Variants in NIM1K observed in about 807,000 individuals in gnomAD.
NIM1K encodes the protein serine/threonine-protein kinase NIM1.
NIM1K carries 35 observed loss-of-function variants against 37.1 expected under a neutral mutation model. That is an observed-to-expected ratio of 0.94 (90% CI 0.72 to 1.25). The LOEUF (loss-of-function observed/expected upper bound fraction) is 1.25. Ranked by LOEUF, NIM1K falls within the 50% of genes most tolerant of loss-of-function variation. The probability of loss-of-function intolerance (pLI) is 0.00; values close to 1 mark genes in which losing one functional copy is unlikely to be tolerated. For synonymous variants in NIM1K, 234 were observed against 206.6 expected (o/e 1.13, Z -1.14); for missense variants, 564 against 548.0 (o/e 1.03, Z -0.29).
At chr5:43,243,802 G>A (rs1360353181) in intron 1 of NIM1K, among the ~76,000 whole-genome samples, 2 of 152,050 alleles carry the variant, frequency 1.3e-5, no homozygotes, top group African/African-American at 4.8e-5. Flanking sequence ...CAGTCTGTAG[G>A]TGTAGCTGAG....
At chr5:43,207,078 C>T in intron 1 of NIM1K, 2 of 718,764 alleles carry the variant, frequency 2.8e-6, no homozygotes, top group South Asian at 3.0e-5. Context: ...CCTATGGGCG[C>T]CTGGTTGAAT....
intron 2 of NIM1K, among the ~76,000 whole-genome samples, chr5:43,248,916 C>A (rs549644478): frequency 6.6e-6 from 1 of 151,462 alleles, no homozygotes; most frequent in Non-Finnish European, 1.5e-5. Context: ...ACCTTGTCAC[C>A]GAGGCTGGAG....
In NIM1K at chr5:43,246,027, CTT is replaced by C; in HGVS notation, c.253_254del (p.Phe85LeufsTer18). The C allele has an allele frequency of 1.2e-6, 2 of 1,613,906 alleles. No individual in the cohort carries two copies. The highest frequency in any genetic ancestry group is 1.1e-5 in the South Asian group (1 of 91,052). Reference sequence around the variant, plus strand: ...TTCGAGGGGAAATCGGAAGTGGAAACTTCTCCCAAGTGAAGCTTGGGATTCAC... The same window carrying C: ...TTCGAGGGGAAATCGGAAGTGGAAACCTCCCAAGTGAAGCTTGGGATTCAC... ...RIRGEIGSGN[F>X]SQVKLGIHSL... On this transcript the variant is annotated frameshift_variant, in exon 2 of 4. Transcript: ENST00000326035. LOFTEE classifies it high-confidence loss of function.
chr5:43,267,656 A>G (rs1250330576), intron 2 of NIM1K, among the ~76,000 whole-genome samples: 2 of 152,142 alleles, frequency 1.3e-5, no homozygotes, highest in South Asian at 2.1e-4. Flanking sequence ...GTGTCATATT[A>G]TCATTCATTT....
intron 1 of NIM1K, among the ~76,000 whole-genome samples, chr5:43,197,433 C>T (rs546608178): frequency 2.6e-5 from 4 of 152,322 alleles, no homozygotes; most frequent in South Asian, 4.1e-4. Context: ...GCGTGAGCCA[C>T]CACGCCTGGC....
At chr5:43,200,469 T>C (rs2112201459) in intron 1 of NIM1K, among the ~76,000 whole-genome samples, 1 of 151,642 alleles carries the variant, frequency 6.6e-6, no homozygotes, top group African/African-American at 2.4e-5. Flanking sequence ...CCCGGCTACT[T>C]TTTTGTATTT....
intron 1 of NIM1K, among the ~76,000 whole-genome samples, chr5:43,213,209 CTTT>C (rs1561074856): frequency 2.8e-4 from 13 of 46,320 alleles, no homozygotes; most frequent in African/African-American, 9.6e-4. Flanking sequence ...TTCTTTCTTT[CTTT>C]CTTTCTTTCT....
chr5:43,232,422 C>T (rs1386796862), intron 1 of NIM1K: 10 of 1,467,346 alleles, frequency 6.8e-6, no homozygotes, highest in Non-Finnish European at 9.5e-6. Flanking sequence ...TCTGTCAGAT[C>T]AACATTCAGG....
At chr5:43,194,910 A>T (rs535176425) in intron 1 of NIM1K, 3 of 152,348 alleles carry the variant, frequency 2.0e-5, no homozygotes, top group African/African-American at 7.2e-5. Context: ...TTTTAAAAAA[A>T]CAAAAGCAAA....
chr5:43,215,960 T>C (rs1051777844), intron 1 of NIM1K, among the ~76,000 whole-genome samples: 1 of 152,192 alleles, frequency 6.6e-6, no homozygotes, highest in African/African-American at 2.4e-5. Context: ...AATTTATGGT[T>C]TTCCTGGCTC....
chr5:43,252,185 C>A (rs1417976134), intron 2 of NIM1K, among the ~76,000 whole-genome samples: 3 of 152,052 alleles, frequency 2.0e-5, no homozygotes, highest in African/African-American at 7.2e-5. Context: ...GTTCCAAAGA[C>A]TTCTTGTCTG....
intron 2 of NIM1K, among the ~76,000 whole-genome samples, chr5:43,256,733 C>G (rs1406267180): frequency 6.6e-6 from 1 of 152,156 alleles, no homozygotes; most frequent in Non-Finnish European, 1.5e-5. Context: ...GGTGGAGTGG[C>G]CAGCAACCAC....
intron 1 of NIM1K, among the ~76,000 whole-genome samples, chr5:43,203,761 C>T (rs1045006342): frequency 6.6e-6 from 1 of 152,210 alleles, no homozygotes. Flanking sequence ...CACAGTGGCT[C>T]ACGTCTGTAA....
chr5:43,246,128 G>T (rs1752776613), intron 2 of NIM1K, 61 bp downstream of exon 2: 5 of 1,475,938 alleles, frequency 3.4e-6, no homozygotes, highest in Admixed American at 2.0e-5. Flanking sequence ...TAGGAAAGGG[G>T]TTAGGTGGCC....
At chr5:43,229,731 A>C (rs1361854969) in intron 1 of NIM1K, among the ~76,000 whole-genome samples, 4 of 148,748 alleles carry the variant, frequency 2.7e-5, no homozygotes, top group African/African-American at 9.9e-5. Context: ...CTGCCTCCTG[A>C]GTTCAAGTGA....
intron 1 of NIM1K, among the ~76,000 whole-genome samples, chr5:43,198,359 GCT>G (rs1168163520): frequency 4.1e-5 from 5 of 123,438 alleles, no homozygotes; most frequent in Non-Finnish European, 3.3e-5. Flanking sequence ...TTTCTGTCTT[GCT>G]CTCTCTCTCT....
chr5:43,207,548 G>T (rs1248191744), intron 1 of NIM1K: 1 of 697,146 alleles, frequency 1.4e-6, no homozygotes, highest in Non-Finnish European at 2.7e-6. Flanking sequence ...GTCTCCAGAA[G>T]AAGATTCCAC....
In NIM1K at chr5:43,232,484, A is replaced by T. The variant is rs1386655846; in HGVS notation, c.-694-12598A>T. The T allele has an allele frequency of 4.6e-5, 70 of 1,512,456 alleles. No homozygotes were observed. The Admixed American group carries it at 1.2e-3, about 25-fold the overall frequency. The allele number at this position is 1,512,456 out of a possible 1,614,324, so 93.7% of individuals were successfully genotyped here. A position where few individuals can be genotyped will look rare whatever the true frequency, so the allele number is the denominator to read the frequency against. Reference sequence around the variant, plus strand: ...GATGGAGGACACAATTTGACCTATCAACCTATTCAGTTTAGTATAGGTTGG... The same window carrying T: ...GATGGAGGACACAATTTGACCTATCTACCTATTCAGTTTAGTATAGGTTGG... On this transcript the variant is annotated intron_variant, in intron 1 of 3. Coordinates refer to ENST00000326035, the MANE Select transcript of NIM1K (RefSeq NM_153361.4).
chr5:43,209,058 A>C (rs1752167146), intron 1 of NIM1K, among the ~76,000 whole-genome samples: 1 of 152,242 alleles, frequency 6.6e-6, no homozygotes, highest in Non-Finnish European at 1.5e-5. Context: ...GCTTTAAAAT[A>C]AAGTAAATTC....
Sources: allele counts gnomAD v4.1 joint callset (sites outside exome capture counted in the v4.1 genomes callset), GRCh38; gene constraint gnomAD v4.1.1; transcripts MANE v1.5; gene names NCBI Gene and HGNC (gene_info 2026-07-23, HGNC 2026-07-21).